PPP3CA: variants seen among roughly 807,000 people sequenced by gnomAD.
PPP3CA encodes CAM-PRP catalytic subunit.
Under a neutral mutation model 66.5 loss-of-function variants are expected in PPP3CA, and 14 were observed. The ratio of observed to expected loss-of-function variants is 0.21; its 90% CI spans 0.14 to 0.33. The LOEUF (loss-of-function observed/expected upper bound fraction) is 0.33, where lower values mean the gene tolerates loss of function less well. Ranked by LOEUF, PPP3CA falls within the 10% of genes least tolerant of loss-of-function variation. PPP3CA has a pLI of 1.00. For synonymous variants in PPP3CA, 232 were observed against 226.2 expected, an observed-to-expected ratio of 1.03 and a Z score of -0.23; for missense variants, 317 against 639.5, an observed-to-expected ratio of 0.50 and a Z score of 5.44.
chr4:101,320,452 ATATGTATGTATG>A (rs535586811), intron 1 of PPP3CA, among the ~76,000 whole-genome samples: 1 of 147,096 alleles, frequency 6.8e-6, no homozygotes. Context: ...AAAACCACTC[ATATGTATGTATG>A]TATGTATGTA....
At chr4:101,302,161 C>T (rs1443181346) in intron 1 of PPP3CA, among the ~76,000 whole-genome samples, 1 of 152,074 alleles carries the variant, frequency 6.6e-6, no homozygotes, top group Admixed American at 6.5e-5. Flanking sequence ...TTAGAGTAAT[C>T]TCATTTGTAA....
intron 8 of PPP3CA, among the ~76,000 whole-genome samples, chr4:101,076,294 G>C (rs1408867688): frequency 1.4e-5 from 2 of 148,080 alleles, no homozygotes; most frequent in Non-Finnish European, 3.0e-5. Context: ...TCACAGTCTT[G>C]CTGTTAATTC....
chr4:101,306,792 T>G (rs916041683), intron 1 of PPP3CA, among the ~76,000 whole-genome samples: 1 of 152,242 alleles, frequency 6.6e-6, no homozygotes, highest in African/African-American at 2.4e-5. Flanking sequence ...TTATTTCATA[T>G]AGACTGCTTA....
intron 1 of PPP3CA, among the ~76,000 whole-genome samples, chr4:101,254,565 G>GTAAA (rs2110248189): frequency 6.6e-6 from 1 of 151,908 alleles, no homozygotes; most frequent in African/African-American, 2.4e-5. Context: ...TAAATAATTT[G>GTAAA]TAAATAAAAC....
At chr4:101,220,626 C>G (rs1355286863) in intron 1 of PPP3CA, among the ~76,000 whole-genome samples, 1 of 151,682 alleles carries the variant, frequency 6.6e-6, no homozygotes, top group African/African-American at 2.4e-5. Flanking sequence ...CTTAATTATT[C>G]TTCCTATCTG....
chr4:101,080,665 G>GA, intron 7 of PPP3CA, 39 bp from the exon 8 acceptor site: 2 of 1,237,276 alleles, frequency 1.6e-6, no homozygotes, highest in Non-Finnish European at 1.1e-6. Flanking sequence ...AGCTTGTATG[G>GA]AAAAAAGATA....
At chr4:101,095,453 T>C (rs1257782540) in intron 5 of PPP3CA, among the ~76,000 whole-genome samples, 1 of 152,112 alleles carries the variant, frequency 6.6e-6, no homozygotes, top group African/African-American at 2.4e-5. Flanking sequence ...AGATAAAAAC[T>C]TAAAAATCAT....
At chr4:101,065,401 C>T (rs1728639003) in intron 8 of PPP3CA, among the ~76,000 whole-genome samples, 1 of 151,964 alleles carries the variant, frequency 6.6e-6, no homozygotes, top group Non-Finnish European at 1.5e-5. Context: ...CTCTAAGTTC[C>T]CCCACTTTTT....
intron 2 of PPP3CA, among the ~76,000 whole-genome samples, chr4:101,190,092 A>C (rs1010847980): frequency 2.0e-5 from 3 of 152,134 alleles, no homozygotes; most frequent in African/African-American, 7.2e-5. Flanking sequence ...GGGTAGACCA[A>C]GGAAAACATC....
intron 2 of PPP3CA, among the ~76,000 whole-genome samples, chr4:101,192,032 G>A (rs1424849496): frequency 1.3e-5 from 2 of 152,054 alleles, no homozygotes; most frequent in Non-Finnish European, 2.9e-5. Context: ...CTAAGCTCCC[G>A]GTCTGCTTTT....
chr4:101,296,338 T>G (rs1324267023), intron 1 of PPP3CA, among the ~76,000 whole-genome samples: 1 of 152,170 alleles, frequency 6.6e-6, no homozygotes, highest in Non-Finnish European at 1.5e-5. Context: ...AAACTAAATA[T>G]AAGTATTTTG....
At chr4:101,289,941 G>A (rs1016597885) in intron 1 of PPP3CA, among the ~76,000 whole-genome samples, 1 of 149,572 alleles carries the variant, frequency 6.7e-6, no homozygotes, top group Non-Finnish European at 1.5e-5. Flanking sequence ...CATTAAAATG[G>A]GCTTACATGC....
At chr4:101,302,617 G>A (rs533883393) in intron 1 of PPP3CA, among the ~76,000 whole-genome samples, 105 of 152,192 alleles carry the variant, frequency 6.9e-4, no homozygotes, top group African/African-American at 2.4e-3. Context: ...CGCAACCTCC[G>A]CCTCCTGGTT....
chr4:101,048,930 T>A (rs1727892171), intron 10 of PPP3CA, among the ~76,000 whole-genome samples: 1 of 152,110 alleles, frequency 6.6e-6, no homozygotes, highest in Non-Finnish European at 1.5e-5. Context: ...GTTTCTCCTG[T>A]GTAATGGATT....
chr4:101,316,635 CA>C (rs1485535439), intron 1 of PPP3CA, among the ~76,000 whole-genome samples: 2 of 152,048 alleles, frequency 1.3e-5, no homozygotes, highest in Non-Finnish European at 2.9e-5. Context: ...AAGTTATGAA[CA>C]AATAGCCAAA....
At chr4:101,342,666 A>G (rs1417151219) in intron 1 of PPP3CA, among the ~76,000 whole-genome samples, 1 of 152,190 alleles carries the variant, frequency 6.6e-6, no homozygotes, top group Non-Finnish European at 1.5e-5. Context: ...TTGAATTAAT[A>G]AAGTTTCACT....
Position 101,269,061 on chromosome 4 carries a change from T to C in PPP3CA, c.59-72945A>G, listed in dbSNP as rs182847054. On this transcript the variant is annotated intron_variant, in intron 1 of 13. Coordinates refer to ENST00000394854, the MANE Select transcript of PPP3CA (RefSeq NM_000944.5). Reference sequence around the variant, plus strand: ...AGTCAGCATTTTTCATTTTTATTGTTATCTTTTAGCAATGTTGTTCCCTGT... The same window carrying C: ...AGTCAGCATTTTTCATTTTTATTGTCATCTTTTAGCAATGTTGTTCCCTGT... Among the ~76,000 whole-genome samples the C allele has an allele frequency of 4.6e-3, 700 of 152,252 alleles. 6 individuals are homozygous for C. Among genetic ancestry groups the C allele is most frequent in the African/African-American group, 0.016 (667 of 41,562 alleles).
intron 1 of PPP3CA, among the ~76,000 whole-genome samples, chr4:101,324,063 G>A (rs887108985): frequency 6.6e-6 from 1 of 151,476 alleles, no homozygotes; most frequent in African/African-American, 2.4e-5. Flanking sequence ...CAGTGAGATC[G>A]CACCACTGCA....
chr4:101,226,381 CAT>C (rs888183430), intron 1 of PPP3CA, among the ~76,000 whole-genome samples: 2 of 151,704 alleles, frequency 1.3e-5, no homozygotes, highest in South Asian at 2.1e-4. Flanking sequence ...GAAATGGTTA[CAT>C]GTTTCAATAA....
Sources: allele counts gnomAD v4.1 joint callset (sites outside exome capture counted in the v4.1 genomes callset), GRCh38; gene constraint gnomAD v4.1.1; transcripts MANE v1.5; gene names NCBI Gene and HGNC (gene_info 2026-07-23, HGNC 2026-07-21).